The following NPTX1 variants were observed in gnomAD, a reference collection of about 807,000 sequenced individuals.
NPTX1 encodes neuronal pentraxin-1.
In NPTX1, 12 loss-of-function variants were observed where a neutral mutation model predicts 38.7. The ratio of observed to expected loss-of-function variants is 0.31; its 90% confidence interval spans 0.20 to 0.50. NPTX1 has a LOEUF of 0.50. NPTX1 is among the 20% of genes least tolerant of loss of function. NPTX1 has a pLI of 0.98. For missense variants in NPTX1, 454 were observed against 592.2 expected, an observed-to-expected ratio of 0.77 and a Z score of 2.42; for synonymous variants, 272 against 264.9, an observed-to-expected ratio of 1.03 and a Z score of -0.26.
At position 80,473,225 on chromosome 17, in the gene NPTX1, G is replaced by A; in HGVS notation, c.872C>T (p.Pro291Leu). Residue 291 changes from proline to leucine, a missense_variant, in exon 3 of 5, where the codon CCC (proline) becomes CTC (leucine). Physicochemically the swap from Pro to Leu is moderately conservative, Grantham distance 98. Coordinates refer to ENST00000306773, the MANE Select transcript of NPTX1 (RefSeq NM_002522.4). ...CTTGTCATTGATGAGGATCTCCATG[G>A]GGTTGTTGCCCCACTCAATGAGGAC... Reference protein sequence around the residue: ...ELVLIEWGNNPMEILINDKVA... With the variant: ...ELVLIEWGNNLMEILINDKVA... 1 of 1,613,536 alleles carries A rather than the reference G, an allele frequency of 6.2e-7. No individual in the cohort carries two copies.
chr17:80,472,346 C>T (rs2083847042), intron 3 of NPTX1, among the ~76,000 whole-genome samples: 1 of 152,216 alleles, frequency 6.6e-6, no homozygotes, highest in Non-Finnish European at 1.5e-5. Context: ...AGCTGTTACA[C>T]CCTCTCACTC....
In NPTX1 at chr17:80,470,854, C is replaced by A; in HGVS notation, c.1258G>T (p.Ala420Ser). 6.2e-7 allele frequency: 1 copy of A among 1,606,686 alleles called. No individual in the cohort carries two copies. Among genetic ancestry groups the A allele is most frequent in the Non-Finnish European group, 8.5e-7 (1 of 1,174,236 alleles). Residue 420 changes from alanine (A) to serine (S), a missense_variant, in exon 5 of 5, where the codon GCC becomes TCC. Ala to Ser is a moderately conservative substitution (Grantham distance 99). Around this residue, in one of 4 missense-constraint regions of NPTX1, gnomAD observed 50 missense variants for 54.0 expected, o/e 0.93. Coordinates refer to ENST00000306773, the MANE Select transcript of NPTX1 (RefSeq NM_002522.4). ...AESHIEIYGG[A>S]TKWTFEACRQ... ...CAGGCCTCGAAGGTCCACTTGGTGG[C>A]CCCTCCGTAGATCTCGATGTGGGAT...
chr17:80,476,210 G>C lies in NPTX1; in HGVS notation c.237C>G (p.Ile79Met), dbSNP rs374235361. 421 of 1,575,648 alleles carry C rather than the reference G, an allele frequency of 2.7e-4. 3 individuals carry two copies. The highest frequency in any genetic ancestry group is 9.7e-4 in the South Asian group (86 of 88,656). Reference protein sequence around the residue: ...KETILSQKETIRELTAKLGRC... With the variant: ...KETILSQKETMRELTAKLGRC... ...GGCCCAGCTTGGCGGTCAGCTCGCG[G>C]ATGGTCTCCTTCTGGCTCAGGATGG... The change falls in exon 1 of 5, where the codon ATC becomes ATG. Residue 79 changes from isoleucine to methionine, a missense_variant. Around this residue, in one of 4 missense-constraint regions of NPTX1, gnomAD observed 288 missense variants for 318.4 expected, o/e 0.90. Transcript: ENST00000306773. This position sits in a 1 kb window ranked among gnomAD's most constrained non-coding sequence, Gnocchi z 6.3.
At position 80,470,948 on chromosome 17, in the gene NPTX1, G is replaced by A. The variant is rs776902367; in HGVS notation, c.1164C>T (p.Pro388=). The change falls in exon 5 of 5, where the codon CCC becomes CCT. Residue 388 remains proline, a synonymous_variant. Coordinates refer to ENST00000306773, the MANE Select transcript of NPTX1 (RefSeq NM_002522.4). ...HFNIWDRKLT[P]GEVYNLATCS... Reference sequence around the variant, plus strand: ...AGGTGGCCAGGTTGTACACCTCCCCGGGGGTCAGCTTGCGGTCCCAGATGT... The same window carrying A: ...AGGTGGCCAGGTTGTACACCTCCCCAGGGGTCAGCTTGCGGTCCCAGATGT... The A allele has an allele frequency of 1.3e-5, 21 of 1,613,572 alleles. No homozygotes were observed. The highest frequency in any genetic ancestry group is 4.4e-5 in the South Asian group (4 of 91,068).
At chr17:80,471,323 C>T (rs1168820345) in intron 4 of NPTX1, among the ~76,000 whole-genome samples, 1 of 152,212 alleles carries the variant, frequency 6.6e-6, no homozygotes, top group Non-Finnish European at 1.5e-5. Flanking sequence ...TGGACAACCA[C>T]AGCAGCTGGG....
At chr17:80,473,505 G>C (rs2083854788) in intron 2 of NPTX1, 61 bp from the exon 3 acceptor site, 1 of 1,564,276 alleles carries the variant, frequency 6.4e-7, no homozygotes, top group South Asian at 1.2e-5. Flanking sequence ...TGTCTGAGTT[G>C]AGTTCGGTCC....
rs545881375 is a variant in NPTX1 at position 80,467,450 on chromosome 17, T to C, written c.*3363A>G. The C allele has an allele frequency of 4.6e-5, 7 of 152,714 alleles. No homozygotes were observed. In the South Asian group the frequency reaches 1.5e-3, roughly 32 times the overall value. The allele number at this position is 152,714 out of a possible 1,614,324, so 9.5% of individuals were successfully genotyped here. A position where few individuals can be genotyped will look rare whatever the true frequency, so the allele number is the denominator to read the frequency against. On this transcript the variant is annotated 3_prime_UTR_variant, in exon 5 of 5. Transcript: ENST00000306773. ...TCCTCGGCTCATTCCACTTAGTAAG[T>C]CAGCTCCAAGACACAGGTTCACCAT...
rs1320134172 is a variant in NPTX1 at position 80,469,374 on chromosome 17, GCACACACACACACAA to G, written c.*1424_*1438del. ...GAGCCTGCTCTCTTTCTCACTTAGC[GCACACACACACACAA>G]CACACACACACACACACAAATGCAC... On this transcript the variant is annotated 3_prime_UTR_variant, in exon 5 of 5. Coordinates refer to ENST00000306773, the MANE Select transcript of NPTX1 (RefSeq NM_002522.4). 6.6e-6 allele frequency: 1 copy of G among 151,688 alleles called. No individual in the cohort carries two copies. Among genetic ancestry groups the G allele is most frequent in the Non-Finnish European group, 1.5e-5 (1 of 67,904 alleles). 9.4% of individuals were successfully genotyped at this position (151,688 alleles called of 1,614,324 possible).
Position 80,475,946 on chromosome 17 carries a change from G to T in NPTX1, c.444+57C>A. On this transcript the variant is annotated intron_variant, in intron 1 of 4. Transcript: ENST00000306773. This position sits in a 1 kb window ranked among gnomAD's most constrained non-coding sequence, Gnocchi z 6.5. ...TGGCCGGGTAGGGAACGGGGTGGGGGAGGGCAGAGGGGCGAGCGAGCCGGA... is the reference window on the plus strand; with the variant it reads ...TGGCCGGGTAGGGAACGGGGTGGGGTAGGGCAGAGGGGCGAGCGAGCCGGA... 1 of 1,409,756 alleles carries T rather than the reference G, an allele frequency of 7.1e-7. No homozygotes were observed. The highest frequency in any genetic ancestry group is 9.9e-7 in the Non-Finnish European group (1 of 1,010,768). The allele number at this position is 1,409,756 out of a possible 1,614,324, so 87.3% of individuals were successfully genotyped here.
rs2083871924 is a variant in NPTX1, at chr17:80,475,222, G to A, written c.652+289C>T. 6.6e-6 allele frequency among the ~76,000 whole-genome samples: 1 copy of A among 152,162 alleles called. No homozygotes were observed. On this transcript the variant is annotated intron_variant, in intron 2 of 4. Coordinates refer to ENST00000306773, the MANE Select transcript of NPTX1 (RefSeq NM_002522.4). This position sits in a 1 kb window ranked among gnomAD's most constrained non-coding sequence, Gnocchi z 6.5. ...ACTGAGGATTAAACAAATCAGACTT[G>A]AAAAATCCAGCGAGTGTGTGAGTGT...
chr17:80,473,533 G>C, intron 2 of NPTX1, 89 bp from the exon 3 acceptor site: 1 of 1,361,992 alleles, frequency 7.3e-7, no homozygotes, highest in South Asian at 1.3e-5. Context: ...GCTCTGTGAT[G>C]CGTGGCCAGG....
Position 80,473,404 on chromosome 17 carries a change from T to C in NPTX1, c.693A>G (p.Thr231=), listed in dbSNP as rs1227788424. 6.2e-7 allele frequency: 1 copy of C among 1,614,046 alleles called. No homozygotes were observed. Reference sequence around the variant, plus strand: ...ACATATAGTTGGTCCGCAGTGGGAATGTGAGCTGGAACTTGTCTCCAGGGC... The same window carrying C: ...ACATATAGTTGGTCCGCAGTGGGAACGTGAGCTGGAACTTGTCTCCAGGGC... ...DNRPGDKFQL[T]FPLRTNYMYA... is the part of the protein sequence containing the mutation. Residue 231 remains threonine (T), a synonymous_variant, in exon 3 of 5, where the codon ACA becomes ACG. Coordinates refer to ENST00000306773, the MANE Select transcript of NPTX1 (RefSeq NM_002522.4).
Position 80,470,582 on chromosome 17 carries a change from T to C in NPTX1, c.*231A>G, listed in dbSNP as rs761158546. ...ACCCACTTCAGCTGTGAATGGGGCA[T>C]GCCTGAGAGAGTCCGGGCTCCTACA... On this transcript the variant is annotated 3_prime_UTR_variant, in exon 5 of 5. Transcript: ENST00000306773. The C allele has an allele frequency of 6.5e-6, 3 of 463,258 alleles. No homozygotes were observed. Among genetic ancestry groups the C allele is most frequent in the Non-Finnish European group, 1.2e-5 (3 of 255,408 alleles). The allele number at this position is 463,258 out of a possible 1,614,324, so 28.7% of individuals were successfully genotyped here.
rs2083884797 is a variant in NPTX1, at chr17:80,476,554, C to T, written c.-108G>A. ...CCGCGAGCGGCCCGCGCTCTGGGCG[C>T]CGCGCTCTTCGGCCGCGCGGTCCAC... On this transcript the variant is annotated 5_prime_UTR_variant, in exon 1 of 5. Transcript: ENST00000306773. The surrounding 1 kb of genome is among the most constrained non-coding windows in gnomAD (Gnocchi z 6.3). 1.9e-6 allele frequency: 1 copy of T among 516,926 alleles called. No individual in the cohort carries two copies. The highest frequency in any genetic ancestry group is 2.5e-6 in the Non-Finnish European group (1 of 399,964). 32.0% of individuals were successfully genotyped at this position (516,926 alleles called of 1,614,324 possible). A position where few individuals can be genotyped will look rare whatever the true frequency, so the allele number is the denominator to read the frequency against.
At position 80,470,484 on chromosome 17, in the gene NPTX1, CGTAGACACACACAT is replaced by C. The variant is rs1206662000; in HGVS notation, c.*315_*328del. 3 of 205,390 alleles carry C rather than the reference CGTAGACACACACAT, an allele frequency of 1.5e-5. No individual in the cohort carries two copies. Among genetic ancestry groups the C allele is most frequent in the Non-Finnish European group, 2.9e-5 (3 of 101,736 alleles). 12.7% of individuals were successfully genotyped at this position (205,390 alleles called of 1,614,324 possible). A position where few individuals can be genotyped will look rare whatever the true frequency, so the allele number is the denominator to read the frequency against. On this transcript the variant is annotated 3_prime_UTR_variant, in exon 5 of 5. Coordinates refer to ENST00000306773, the MANE Select transcript of NPTX1 (RefSeq NM_002522.4). ...CCTCCCCCAGCCACGCACGCACACA[CGTAGACACACACAT>C]GTAGACACGCACACACAGATCCTCT...
At chr17:80,472,286 T>C (rs1263365090) in intron 3 of NPTX1, among the ~76,000 whole-genome samples, 1 of 152,218 alleles carries the variant, frequency 6.6e-6, no homozygotes, top group African/African-American at 2.4e-5. Context: ...GTGCGACATC[T>C]GTGCAGCCTC....
intron 3 of NPTX1, 127 bp downstream of exon 3, chr17:80,473,073 C>T: frequency 2.9e-6 from 3 of 1,037,676 alleles, no homozygotes; most frequent in Non-Finnish European, 4.2e-6. Context: ...CTCAGTCCCA[C>T]CTGGCAAACA....
rs776203419 is a variant in NPTX1, at chr17:80,476,290, C to T, written c.157G>A (p.Glu53Lys). The change falls in exon 1 of 5, where the codon GAG (glutamate) becomes AAG (lysine). Residue 53 changes from glutamate to lysine, a missense_variant. Coordinates refer to ENST00000306773, the MANE Select transcript of NPTX1 (RefSeq NM_002522.4). This position sits in a 1 kb window ranked among gnomAD's most constrained non-coding sequence, Gnocchi z 6.3. ...AASVAAGGAE[E>K]LRSSVLQLRE... Reference sequence around the variant, plus strand: ...AGCTGCAGCACGCTGCTCCGGAGCTCCTCGGCGCCGCCGGCGGCCACGGAC... The same window carrying T: ...AGCTGCAGCACGCTGCTCCGGAGCTTCTCGGCGCCGCCGGCGGCCACGGAC... The T allele has an allele frequency of 3.8e-6, 6 of 1,561,948 alleles. No homozygotes were observed. The highest frequency in any genetic ancestry group is 3.4e-6 in the Non-Finnish European group (4 of 1,161,618).
intron 2 of NPTX1, chr17:80,473,834 G>A (rs756459732): frequency 2.5e-4 from 60 of 241,460 alleles, no homozygotes; most frequent in Non-Finnish European, 4.0e-4. Context: ...GAGGAGGAAC[G>A]AGGCTAGCTA....
Sources: allele counts gnomAD v4.1 joint callset (sites outside exome capture counted in the v4.1 genomes callset), GRCh38; gene constraint gnomAD v4.1.1; regional missense constraint gnomAD v4.1.1; non-coding constraint Gnocchi (gnomAD v3.1); transcripts MANE v1.5; gene names NCBI Gene and HGNC (gene_info 2026-07-23, HGNC 2026-07-21).